CSMD3: variants seen among roughly 807,000 people sequenced by gnomAD.
The protein encoded by CSMD3 is CUB and Sushi multiple domains 3.
CSMD3 carries 177 observed loss-of-function variants against 435.2 expected under a neutral mutation model. The observed-to-expected ratio is 0.41, with a 90% CI of 0.36 to 0.46. The LOEUF (loss-of-function observed/expected upper bound fraction) is 0.46, where lower values mean the gene tolerates loss of function less well. Among genes scored for constraint, CSMD3 ranks in the 20% least tolerant of loss-of-function variants. The pLI, the probability that CSMD3 is intolerant of heterozygous loss-of-function variation, is 0.34. For synonymous variants in CSMD3, 1,656 were observed against 1,520.5 expected (o/e 1.09, Z -2.07); for missense variants, 4,265 against 4,504.6 (o/e 0.95, Z 1.52).
chr8:112,781,542 T>C (rs964027872), intron 13 of CSMD3, among the ~76,000 whole-genome samples: 1 of 152,090 alleles, frequency 6.6e-6, no homozygotes, highest in Non-Finnish European at 1.5e-5. Context: ...GTAGGATTCA[T>C]CATCTGCTAA....
At chr8:112,434,150 G>C (rs1814054548) in intron 32 of CSMD3, among the ~76,000 whole-genome samples, 1 of 152,106 alleles carries the variant, frequency 6.6e-6, no homozygotes, top group Admixed American at 6.6e-5. Flanking sequence ...AGTAAAATCT[G>C]ACAGATGTGA....
intron 41 of CSMD3, among the ~76,000 whole-genome samples, 161 bp downstream of exon 41, chr8:112,345,936 A>C: frequency 6.6e-6 from 1 of 152,322 alleles, no homozygotes; most frequent in Admixed American, 6.5e-5. Context: ...CTTAAGCAAC[A>C]ATTATTTAAA....
intron 10 of CSMD3, among the ~76,000 whole-genome samples, chr8:112,888,146 G>A (rs1482173169): frequency 6.6e-6 from 1 of 151,592 alleles, no homozygotes; most frequent in Non-Finnish European, 1.5e-5. Flanking sequence ...TGTCCTTGAG[G>A]TTTAGGGAAA....
rs1379019552 is a variant in CSMD3 at position 112,636,942 on chromosome 8, T to C, written c.3590A>G (p.Asn1197Ser). The C allele has an allele frequency of 6.8e-6, 11 of 1,613,320 alleles. No individual in the cohort carries two copies. The highest frequency in any genetic ancestry group is 1.7e-5 in the Admixed American group (1 of 59,860). Reference protein sequence around the residue: ...IPQYGSRIGFNFGIGDTLTFS... With the variant: ...IPQYGSRIGFSFGIGDTLTFS... ...GGTCAGAGTGTCACCAATCCCAAAG[T>C]TGAACCCGATTCGACTACCATATTG... Residue 1197 changes from asparagine (N) to serine (S), a missense_variant, in exon 22 of 71, where the codon AAC becomes AGC. Asn to Ser is a conservative substitution (Grantham distance 46, BLOSUM62 1). This residue lies in a region of CSMD3 where 3,255 missense variants were observed against 3,380.2 expected (regional missense o/e 0.96). Transcript: ENST00000297405.
chr8:113,223,813 T>C (rs192734985), intron 3 of CSMD3, among the ~76,000 whole-genome samples: 1 of 149,726 alleles, frequency 6.7e-6, no homozygotes, highest in African/African-American at 2.4e-5. Context: ...CTGTGTGTTG[T>C]ATATAAGGAA....
At chr8:113,088,406 C>A (rs2089880598) in intron 5 of CSMD3, among the ~76,000 whole-genome samples, 2 of 148,330 alleles carry the variant, frequency 1.3e-5, no homozygotes, top group African/African-American at 2.5e-5. Flanking sequence ...AAGACACATG[C>A]ACACGTATGT....
chr8:113,216,635 A>G (rs2092909550), intron 3 of CSMD3, among the ~76,000 whole-genome samples: 1 of 151,976 alleles, frequency 6.6e-6, no homozygotes, highest in African/African-American at 2.4e-5. Context: ...TTCAGGATTG[A>G]ATGACAAAGT....
chr8:112,686,060 C>T (rs1437309467), intron 14 of CSMD3, among the ~76,000 whole-genome samples: 1 of 151,838 alleles, frequency 6.6e-6, no homozygotes, highest in Non-Finnish European at 1.5e-5. Context: ...ACAGAAGTTC[C>T]CATAGAAAGC....
chr8:113,326,823 G>C (rs58947711), intron 1 of CSMD3, among the ~76,000 whole-genome samples: 1 of 151,946 alleles, frequency 6.6e-6, no homozygotes, highest in African/African-American at 2.4e-5. Flanking sequence ...AAATTCATAA[G>C]AATGACATTT....
intron 10 of CSMD3, among the ~76,000 whole-genome samples, chr8:112,878,232 C>T (rs938139447): frequency 5.3e-5 from 8 of 152,094 alleles, no homozygotes; most frequent in Admixed American, 1.3e-4. Context: ...AAAAAACAAA[C>T]AACCTCATCA....
At chr8:112,235,125 G>C (rs1399441496) in intron 67 of CSMD3, among the ~76,000 whole-genome samples, 1 of 152,128 alleles carries the variant, frequency 6.6e-6, no homozygotes, top group Non-Finnish European at 1.5e-5. Context: ...CAGCACTTTG[G>C]GAAGCCAAGG....
rs1298116786 is a variant in CSMD3, at chr8:112,387,169, G to A, written c.5934+3495C>T. ...AATCCACTCTTTGCCACAAAGAGTG[G>A]GAAATTCTCATGTAATATTAACAAA... is the stretch of plus-strand genomic sequence containing the variant. On this transcript the variant is annotated intron_variant, in intron 36 of 70. Transcript: ENST00000297405. 2.6e-5 allele frequency among the ~76,000 whole-genome samples: 4 copies of A among 151,976 alleles called. No individual in the cohort carries two copies. In the East Asian group the frequency reaches 7.7e-4, roughly 29 times the overall value.
intron 51 of CSMD3, among the ~76,000 whole-genome samples, chr8:112,305,322 A>T (rs1242137790): frequency 6.6e-6 from 1 of 152,154 alleles, no homozygotes; most frequent in African/African-American, 2.4e-5. Context: ...TAGAAGCCTT[A>T]TTAGAAACCT....
intron 9 of CSMD3, among the ~76,000 whole-genome samples, chr8:112,939,042 C>A (rs937006946): frequency 1.3e-5 from 2 of 152,016 alleles, no homozygotes; most frequent in Admixed American, 1.3e-4. Flanking sequence ...TATTATATCA[C>A]CTCTTAATTC....
At chr8:112,800,093 A>G in intron 13 of CSMD3, 69 bp downstream of exon 13, 1 of 1,060,286 alleles carries the variant, frequency 9.4e-7, no homozygotes, top group South Asian at 1.3e-5. Flanking sequence ...AGATGCAATT[A>G]AACGTGAATT....
chr8:112,520,548 A>G (rs1824176418), intron 27 of CSMD3, among the ~76,000 whole-genome samples: 1 of 152,006 alleles, frequency 6.6e-6, no homozygotes, highest in African/African-American at 2.4e-5. Flanking sequence ...AAATTCGACC[A>G]ATTTGAAATG....
chr8:112,663,200 A>G (rs2075430330), intron 17 of CSMD3, among the ~76,000 whole-genome samples: 1 of 152,174 alleles, frequency 6.6e-6, no homozygotes, highest in African/African-American at 2.4e-5. Flanking sequence ...TGTTTACTGC[A>G]GCACTATTCA....
chr8:112,351,152 T>A (rs756975485), intron 40 of CSMD3, 23 bp downstream of exon 40: 2 of 1,388,834 alleles, frequency 1.4e-6, no homozygotes, highest in South Asian at 2.3e-5. Flanking sequence ...CTAGGGTAAA[T>A]ACTTTATAGT....
chr8:113,140,491 G>C (rs561730578), intron 4 of CSMD3, among the ~76,000 whole-genome samples: 9 of 150,788 alleles, frequency 6.0e-5, no homozygotes, highest in African/African-American at 1.9e-4. Flanking sequence ...CATATGCCAA[G>C]GTAGATCATA....
Sources: gnomAD v4.1 joint callset for allele counts (sites outside exome capture counted in the v4.1 genomes callset) on GRCh38, gnomAD v4.1.1 for gene constraint, gnomAD v4.1.1 regional missense constraint, MANE v1.5 for transcripts, NCBI Gene and HGNC (gene_info 2026-07-23, HGNC 2026-07-21) for gene names.